SOX10: variants seen among roughly 807,000 people sequenced by gnomAD.
SOX10 encodes the protein transcription factor SOX-10.
SOX10 carries 3 observed loss-of-function variants against 35.0 expected under a neutral mutation model. The ratio of observed to expected loss-of-function variants is 0.09; its 90% CI spans 0.04 to 0.22. The LOEUF is 0.22. Among genes scored for constraint, SOX10 ranks in the 10% least tolerant of loss-of-function variants. The pLI is 1.00. For missense variants in SOX10, 436 were observed against 655.1 expected, an observed-to-expected ratio of 0.67 and a Z score of 3.65; for synonymous variants, 285 against 291.0, an observed-to-expected ratio of 0.98 and a Z score of 0.21.
At chr22:37,981,771 G>T (rs1449181086) in intron 2 of SOX10, among the ~76,000 whole-genome samples, 2 of 152,226 alleles carry the variant, frequency 1.3e-5, no homozygotes, top group Admixed American at 1.3e-4. Context: ...GACCTTGGGT[G>T]GAGGAGCTAG....
chr22:37,984,012 G>C lies in SOX10; in HGVS notation c.-84-144C>G, dbSNP rs1162197812. Reference sequence around the variant, plus strand: ...GCCCCTGGGGCCCACGCACATGCCAGACTCTAGGTGGGTGCGTCCCGCCTC... The same window carrying C: ...GCCCCTGGGGCCCACGCACATGCCACACTCTAGGTGGGTGCGTCCCGCCTC... On this transcript the variant is annotated intron_variant, in intron 1 of 3. Coordinates refer to ENST00000396884, the MANE Select transcript of SOX10 (RefSeq NM_006941.4). This position sits in a 1 kb window ranked among gnomAD's most constrained non-coding sequence, Gnocchi z 4.4. 1.3e-5 allele frequency: 4 copies of C among 319,016 alleles called. No homozygotes were observed. The highest frequency in any genetic ancestry group is 2.3e-5 in the Non-Finnish European group (4 of 174,948). The allele number at this position is 319,016 out of a possible 1,614,324, so 19.8% of individuals were successfully genotyped here.
At chr22:37,975,470 C>T (rs1301527543) in intron 3 of SOX10, among the ~76,000 whole-genome samples, 1 of 152,126 alleles carries the variant, frequency 6.6e-6, no homozygotes, top group African/African-American at 2.4e-5. Flanking sequence ...TCCAGGGTCT[C>T]CTGATGTGTG....
intron 2 of SOX10, among the ~76,000 whole-genome samples, chr22:37,982,910 C>T (rs890911638): frequency 6.6e-6 from 1 of 152,222 alleles, no homozygotes; most frequent in Non-Finnish European, 1.5e-5. Context: ...CTTTAAACCT[C>T]CCCTGAGTTC....
rs1932487662 is a variant in SOX10 at position 37,983,839 on chromosome 22, C to T, written c.-55G>A. ...CGGCCGCCTCCCCCGGGCCAGCCGC[C>T]GGGGTCCTCGCAAAGAGTCCAACGC... On this transcript the variant is annotated 5_prime_UTR_variant, in exon 2 of 4. Coordinates refer to ENST00000396884, the MANE Select transcript of SOX10 (RefSeq NM_006941.4). This position sits in a 1 kb window ranked among gnomAD's most constrained non-coding sequence, Gnocchi z 9.5. 19 of 1,332,758 alleles carry T rather than the reference C, an allele frequency of 1.4e-5. No individual in the cohort carries two copies. The highest frequency in any genetic ancestry group is 1.6e-5 in the Non-Finnish European group (17 of 1,040,122). The allele number at this position is 1,332,758 out of a possible 1,614,324, so 82.6% of individuals were successfully genotyped here. A position where few individuals can be genotyped will look rare whatever the true frequency, so the allele number is the denominator to read the frequency against.
chr22:37,983,218 C>CA lies in SOX10; in HGVS notation c.428+138dup. 9.4e-7 allele frequency: 1 copy of CA among 1,058,276 alleles called. No homozygotes were observed. The highest frequency in any genetic ancestry group is 1.4e-6 in the Non-Finnish European group (1 of 715,418). 65.6% of individuals were successfully genotyped at this position (1,058,276 alleles called of 1,614,324 possible). Reference sequence around the variant, plus strand: ...GTGATGGAAGGGCGGGCGCGGCCCCCACACCTGGTCTTCCAGCCCTATCCA... The same window carrying CA: ...GTGATGGAAGGGCGGGCGCGGCCCCCAACACCTGGTCTTCCAGCCCTATCCA... On this transcript the variant is annotated intron_variant, in intron 2 of 3. Coordinates refer to ENST00000396884, the MANE Select transcript of SOX10 (RefSeq NM_006941.4). The surrounding 1 kb of genome is among the most constrained non-coding windows in gnomAD (Gnocchi z 9.5).
chr22:37,983,812 C>T lies in SOX10; in HGVS notation c.-28G>A. On this transcript the variant is annotated 5_prime_UTR_variant, in exon 2 of 4. Transcript: ENST00000396884. The surrounding 1 kb of genome is among the most constrained non-coding windows in gnomAD (Gnocchi z 9.5). Reference sequence around the variant, plus strand: ...CGCCCCCGGCCGCCGCCGCCGCCGCCTCGGCCGCCTCCCCCGGGCCAGCCG... The same window carrying T: ...CGCCCCCGGCCGCCGCCGCCGCCGCTTCGGCCGCCTCCCCCGGGCCAGCCG... The T allele has an allele frequency of 1.4e-6, 2 of 1,406,282 alleles. No individual in the cohort carries two copies. Among genetic ancestry groups the T allele is most frequent in the Non-Finnish European group, 1.9e-6 (2 of 1,078,590 alleles). The allele number at this position is 1,406,282 out of a possible 1,614,324, so 87.1% of individuals were successfully genotyped here.
rs1264523680 is a variant in SOX10, at chr22:37,977,890, T to A, written c.674A>T (p.Asp225Val). Residue 225 changes from aspartate (D) to valine (V), a missense_variant, in exon 3 of 4, where the codon GAT becomes GTT. Asp to Val is a radical substitution (Grantham distance 152, BLOSUM62 -3). This residue lies in a region of SOX10 where 285 missense variants were observed against 402.9 expected (regional missense o/e 0.71). Transcript: ENST00000396884. ...RHPGEGSPMS[D>V]GNPEHPSGQS... is the part of the protein sequence containing the mutation. Reference sequence around the variant, plus strand: ...ACCTGAGGGGTGCTCGGGGTTCCCATCTGACATGGGGGAGCCCTCTCCTGG... The same window carrying A: ...ACCTGAGGGGTGCTCGGGGTTCCCAACTGACATGGGGGAGCCCTCTCCTGG... The A allele has an allele frequency of 6.2e-7, 1 of 1,612,028 alleles. No homozygotes were observed. The highest frequency in any genetic ancestry group is 8.5e-7 in the Non-Finnish European group (1 of 1,179,174).
intron 3 of SOX10, 136 bp downstream of exon 3, chr22:37,977,731 G>T: frequency 1.1e-6 from 1 of 949,396 alleles, no homozygotes; most frequent in Non-Finnish European, 1.6e-6. Context: ...CTCCCTCTGG[G>T]CCCCTGCAGC....
At position 37,983,622 on chromosome 22, in the gene SOX10, T is replaced by C. The variant is rs1340193662; in HGVS notation, c.163A>G (p.Lys55Glu). 1 of 1,605,816 alleles carries C rather than the reference T, an allele frequency of 6.2e-7. No homozygotes were observed. The highest frequency in any genetic ancestry group is 8.5e-7 in the Non-Finnish European group (1 of 1,178,760). ...GCCTCGCCGTCCTGCTGCTCCTTCTTGACCTTGCCCAGCTCGCCTGGCCCC... is the reference window on the plus strand; with the variant it reads ...GCCTCGCCGTCCTGCTGCTCCTTCTCGACCTTGCCCAGCTCGCCTGGCCCC... Reference protein sequence around the residue: ...SPGPGELGKVKKEQQDGEADD... With the variant: ...SPGPGELGKVEKEQQDGEADD... The change falls in exon 2 of 4, where the codon AAG (lysine) becomes GAG (glutamate). Residue 55 changes from lysine (K) to glutamate (E), a missense_variant. Transcript: ENST00000396884. This position sits in a 1 kb window ranked among gnomAD's most constrained non-coding sequence, Gnocchi z 9.5.
chr22:37,976,790 G>A (rs952048373), intron 3 of SOX10, among the ~76,000 whole-genome samples: 28 of 152,212 alleles, frequency 1.8e-4, no homozygotes, highest in African/African-American at 6.5e-4. Flanking sequence ...GCCTGGAACA[G>A]AGTAGCTGCT....
Position 37,973,684 on chromosome 22 carries a change from G to T in SOX10, c.1212C>A (p.Asp404Glu). 6.2e-7 allele frequency: 1 copy of T among 1,610,172 alleles called. No homozygotes were observed. The highest frequency in any genetic ancestry group is 8.5e-7 in the Non-Finnish European group (1 of 1,177,136). The change falls in exon 4 of 4, where the codon GAC (aspartate) becomes GAA (glutamate). Residue 404 changes from aspartate to glutamate, a missense_variant. Coordinates refer to ENST00000396884, the MANE Select transcript of SOX10 (RefSeq NM_006941.4). ...SISRPQFDYS[D>E]HQPSGPYYGH... The stretch of plus-strand genomic sequence containing the variant: ...CATAATAGGGTCCTGAGGGCTGATG[G>T]TCAGAGTAGTCAAACTGGGGGCGGG...
chr22:37,981,419 T>C (rs981806029), intron 2 of SOX10, among the ~76,000 whole-genome samples: 8 of 152,192 alleles, frequency 5.3e-5, no homozygotes, highest in African/African-American at 1.7e-4. Flanking sequence ...TAGTGCCAGT[T>C]TTCCTGACTG....
At position 37,977,893 on chromosome 22, in the gene SOX10, G is replaced by A. The variant is rs940482154; in HGVS notation, c.671C>T (p.Ser224Leu). The change falls in exon 3 of 4, where the codon TCA (serine) becomes TTA (leucine). Residue 224 changes from serine (S) to leucine (L), a missense_variant. Physicochemically the swap from Ser to Leu is moderately radical, Grantham distance 145. Transcript: ENST00000396884. Reference sequence around the variant, plus strand: ...TGAGGGGTGCTCGGGGTTCCCATCTGACATGGGGGAGCCCTCTCCTGGGTG... The same window carrying A: ...TGAGGGGTGCTCGGGGTTCCCATCTAACATGGGGGAGCCCTCTCCTGGGTG... ...HRHPGEGSPMSDGNPEHPSGQ... is the reference protein window; with the variant it reads ...HRHPGEGSPMLDGNPEHPSGQ... 6.2e-7 allele frequency: 1 copy of A among 1,612,356 alleles called. No individual in the cohort carries two copies. The highest frequency in any genetic ancestry group is 1.3e-5 in the African/African-American group (1 of 74,914).
In SOX10 at chr22:37,980,262, G is replaced by A. The variant is rs1376631245; in HGVS notation, c.429-2127C>T. 1.3e-5 allele frequency among the ~76,000 whole-genome samples: 2 copies of A among 152,106 alleles called. No individual in the cohort carries two copies. The highest frequency in any genetic ancestry group is 3.9e-4 in the East Asian group (2 of 5,192). ...AGGGTGTGACTGGGGAGAACCCACAGAGGAGAGAGCTGCTCCGCCAGCAGT... is the reference window on the plus strand; with the variant it reads ...AGGGTGTGACTGGGGAGAACCCACAAAGGAGAGAGCTGCTCCGCCAGCAGT... On this transcript the variant is annotated intron_variant, in intron 2 of 3. Coordinates refer to ENST00000396884, the MANE Select transcript of SOX10 (RefSeq NM_006941.4). This position sits in a 1 kb window ranked among gnomAD's most constrained non-coding sequence, Gnocchi z 4.1.
chr22:37,983,793 C>A lies in SOX10; in HGVS notation c.-9G>T. ...TCCTGCTCCTCCGCCATGTCGCCCCCGGCCGCCGCCGCCGCCGCCTCGGCC... is the reference window on the plus strand; with the variant it reads ...TCCTGCTCCTCCGCCATGTCGCCCCAGGCCGCCGCCGCCGCCGCCTCGGCC... On this transcript the variant is annotated 5_prime_UTR_variant, in exon 2 of 4. Coordinates refer to ENST00000396884, the MANE Select transcript of SOX10 (RefSeq NM_006941.4). This position sits in a 1 kb window ranked among gnomAD's most constrained non-coding sequence, Gnocchi z 9.5. 1 of 1,427,866 alleles carries A rather than the reference C, an allele frequency of 7.0e-7. No homozygotes were observed. The highest frequency in any genetic ancestry group is 1.3e-5 in the South Asian group (1 of 75,788). The allele number at this position is 1,427,866 out of a possible 1,614,324, so 88.4% of individuals were successfully genotyped here.
At position 37,977,991 on chromosome 22, in the gene SOX10, G is replaced by C. The variant is rs369439585; in HGVS notation, c.573C>G (p.Pro191=). Residue 191 remains proline, a synonymous_variant, in exon 3 of 4, where the codon CCC becomes CCG. Transcript: ENST00000396884. The stretch of plus-strand genomic sequence containing the variant: ...TCCCACCTTGCTCGGCCTCCCCACC[G>C]GGGCACTCCGCCTCGCCCTGGGCGG... ...GKAAQGEAEC[P]GGEAEQGGTA... is the part of the protein sequence containing the mutation. 9 of 1,611,690 alleles carry C rather than the reference G, an allele frequency of 5.6e-6. No homozygotes were observed. Among genetic ancestry groups the C allele is most frequent in the Admixed American group, 1.7e-5 (1 of 59,960 alleles).
In SOX10 at chr22:37,973,313, A is replaced by C. The variant is rs1932114202; in HGVS notation, c.*182T>G. The C allele has an allele frequency of 3.5e-6, 2 of 572,098 alleles. No individual in the cohort carries two copies. The highest frequency in any genetic ancestry group is 3.0e-5 in the Admixed American group (1 of 32,886). The allele number at this position is 572,098 out of a possible 1,614,324, so 35.4% of individuals were successfully genotyped here. On this transcript the variant is annotated 3_prime_UTR_variant, in exon 4 of 4. Transcript: ENST00000396884. Reference sequence around the variant, plus strand: ...TGTTCTCCTGGGGCTTTGCTGCTGGAGCCTGGATGGGGCGGGTGGGTCATC... The same window carrying C: ...TGTTCTCCTGGGGCTTTGCTGCTGGCGCCTGGATGGGGCGGGTGGGTCATC...
intron 2 of SOX10, among the ~76,000 whole-genome samples, chr22:37,979,272 A>G (rs1378437383): frequency 1.3e-5 from 2 of 150,324 alleles, no homozygotes; most frequent in African/African-American, 2.5e-5. Flanking sequence ...TAATTTTTGT[A>G]TTTTTAGTAG....
rs962251845 is a variant in SOX10 at position 37,978,391 on chromosome 22, G to A, written c.429-256C>T. Among the ~76,000 whole-genome samples the A allele has an allele frequency of 6.6e-6, 1 of 152,242 alleles. No individual in the cohort carries two copies. The highest frequency in any genetic ancestry group is 1.5e-5 in the Non-Finnish European group (1 of 68,032). ...TGGAGGGTGAGAGAGGGGTCAGCCC[G>A]CTGCTCCTGGCAGCCCCTGAGGAGG... On this transcript the variant is annotated intron_variant, in intron 2 of 3. Coordinates refer to ENST00000396884, the MANE Select transcript of SOX10 (RefSeq NM_006941.4). The surrounding 1 kb of genome is among the most constrained non-coding windows in gnomAD (Gnocchi z 5.0).
Sources: gnomAD v4.1 joint callset for allele counts (sites outside exome capture counted in the v4.1 genomes callset) on GRCh38, gnomAD v4.1.1 for gene constraint, gnomAD v4.1.1 regional missense constraint, Gnocchi (gnomAD v3.1) non-coding constraint, MANE v1.5 for transcripts, NCBI Gene and HGNC (gene_info 2026-07-23, HGNC 2026-07-21) for gene names.